Variants in HIPK2 observed in about 807,000 individuals in gnomAD.
HIPK2 encodes the protein homeodomain interacting protein kinase 2.
A neutral mutation model predicts 113.7 loss-of-function variants in HIPK2; 27 were observed. The ratio of observed to expected loss-of-function variants is 0.24; its 90% CI spans 0.17 to 0.33. HIPK2 has a LOEUF of 0.33. Among genes scored for constraint, HIPK2 ranks in the 10% least tolerant of loss-of-function variants. The probability of loss-of-function intolerance (pLI) is 1.00; values close to 1 mark genes in which losing one functional copy is unlikely to be tolerated. For synonymous variants in HIPK2, 631 were observed against 642.2 expected, an observed-to-expected ratio of 0.98 and a Z score of 0.26; for missense variants, 1,257 against 1,588.0, an observed-to-expected ratio of 0.79 and a Z score of 3.54.
chr7:139,725,012 A>G (rs1366616340), intron 1 of HIPK2, among the ~76,000 whole-genome samples: 1 of 152,196 alleles, frequency 6.6e-6, no homozygotes, highest in African/African-American at 2.4e-5. Flanking sequence ...GGCATTTGAA[A>G]AAAACAAAAA....
chr7:139,705,359 T>C (rs933332453), intron 2 of HIPK2, among the ~76,000 whole-genome samples: 11 of 151,756 alleles, frequency 7.2e-5, no homozygotes, highest in Admixed American at 2.0e-4. Context: ...GGAAAACTAC[T>C]ACCAACTGCT....
rs1237299419 is a variant in HIPK2, at chr7:139,705,824, AG to A, written c.1103+10107del. Among the ~76,000 whole-genome samples the A allele has an allele frequency of 3.5e-3, 520 of 150,632 alleles. 6 individuals are homozygous for A. The highest frequency in any genetic ancestry group is 0.012 in the African/African-American group (506 of 40,904). ...AAATAATAACAAGGATGAAAAGATT[AG>A]TAAAAAAAAAAAAAAAAAAGAGCAG... is the stretch of plus-strand genomic sequence containing the variant. On this transcript the variant is annotated intron_variant, in intron 2 of 14. Transcript: ENST00000406875.
rs554820327 is a variant in HIPK2 at position 139,716,783 on chromosome 7, G to A, written c.252C>T (p.Ile84=). The change falls in exon 2 of 15, where the codon ATC becomes ATT. Residue 84 remains isoleucine, a synonymous_variant. Coordinates refer to ENST00000406875, the MANE Select transcript of HIPK2 (RefSeq NM_022740.5). The surrounding 1 kb of genome is among the most constrained non-coding windows in gnomAD (Gnocchi z 9.3). ...TGTGCCCGGTGCTTCCTGGGAAGAC[G>A]ATGGTCTGCTCGTAAGGTAGGCTTG... ...PNPSLPYEQT[I]VFPGSTGHIV... 1.9e-5 allele frequency: 31 copies of A among 1,613,940 alleles called. No homozygotes were observed. Among genetic ancestry groups the A allele is most frequent in the South Asian group, 6.6e-5 (6 of 91,072 alleles).
At chr7:139,703,440 G>C (rs1483508161) in intron 2 of HIPK2, among the ~76,000 whole-genome samples, 3 of 152,042 alleles carry the variant, frequency 2.0e-5, no homozygotes, top group Admixed American at 1.3e-4. Flanking sequence ...AAAAAGAGGA[G>C]GACGAGAAAT....
intron 2 of HIPK2, among the ~76,000 whole-genome samples, chr7:139,659,094 CA>C (rs1399032132): frequency 1.3e-5 from 2 of 152,184 alleles, no homozygotes; most frequent in African/African-American, 2.4e-5. Flanking sequence ...TGACCAAAAA[CA>C]ATAGGGCCCT....
At chr7:139,738,616 CA>C (rs1463856705) in intron 1 of HIPK2, among the ~76,000 whole-genome samples, 1 of 152,052 alleles carries the variant, frequency 6.6e-6, no homozygotes, top group East Asian at 1.9e-4. Context: ...ACACAACAAC[CA>C]AAAGAGCAAC....
At chr7:139,718,367 G>GAT (rs1795309649) in intron 1 of HIPK2, among the ~76,000 whole-genome samples, 1 of 152,144 alleles carries the variant, frequency 6.6e-6, no homozygotes, top group Non-Finnish European at 1.5e-5. Flanking sequence ...TACCTAGAGT[G>GAT]GTAATCCTTT....
At chr7:139,634,348 T>G (rs1800732031) in intron 2 of HIPK2, among the ~76,000 whole-genome samples, 1 of 151,986 alleles carries the variant, frequency 6.6e-6, no homozygotes, top group Non-Finnish European at 1.5e-5. Flanking sequence ...CCCTTTGGCC[T>G]TTGTCTCCTT....
At position 139,571,825 on chromosome 7, in the gene HIPK2, C is replaced by G. The variant is rs1292560702; in HGVS notation, c.*1102G>C. 2.0e-5 allele frequency: 3 copies of G among 152,258 alleles called. No homozygotes were observed. Among genetic ancestry groups the G allele is most frequent in the African/African-American group, 7.2e-5 (3 of 41,468 alleles). 9.4% of individuals were successfully genotyped at this position (152,258 alleles called of 1,614,324 possible). On this transcript the variant is annotated 3_prime_UTR_variant, in exon 15 of 15. Coordinates refer to ENST00000406875, the MANE Select transcript of HIPK2 (RefSeq NM_022740.5). Reference sequence around the variant, plus strand: ...AGGAGGGAAGGATGCAGTGTCAAGACTGCGCCAGCTAGGGTGGCGGCGCCG... The same window carrying G: ...AGGAGGGAAGGATGCAGTGTCAAGAGTGCGCCAGCTAGGGTGGCGGCGCCG...
intron 2 of HIPK2, among the ~76,000 whole-genome samples, chr7:139,656,903 C>T (rs1014934565): frequency 6.6e-6 from 1 of 151,634 alleles, no homozygotes; most frequent in Non-Finnish European, 1.5e-5. Flanking sequence ...TGGAGTCTTG[C>T]TCTGTCACCC....
chr7:139,759,894 C>G (rs887150969), intron 1 of HIPK2, among the ~76,000 whole-genome samples: 1 of 152,110 alleles, frequency 6.6e-6, no homozygotes, highest in Non-Finnish European at 1.5e-5. Context: ...ATTGTGTATA[C>G]TTCTCTATAT....
chr7:139,680,187 C>T (rs9768870), intron 2 of HIPK2, among the ~76,000 whole-genome samples: 11,891 of 152,232 alleles, frequency 0.078, 610 homozygotes, highest in African/African-American at 0.14. Context: ...CACAGGTACC[C>T]GGGAATGTTC....
intron 2 of HIPK2, among the ~76,000 whole-genome samples, chr7:139,657,207 G>A (rs1372374369): frequency 2.0e-5 from 3 of 152,060 alleles, no homozygotes; most frequent in Non-Finnish European, 4.4e-5. Context: ...GCAGTCCCCC[G>A]ACAGCTCACC....
At chr7:139,697,863 A>ATTTTT (rs1206821973) in intron 2 of HIPK2, among the ~76,000 whole-genome samples, 11 of 135,272 alleles carry the variant, frequency 8.1e-5, no homozygotes, top group African/African-American at 2.5e-4. Flanking sequence ...TCTTAATGGA[A>ATTTTT]TTTTTTTTTT....
In HIPK2 at chr7:139,596,885, G is replaced by A. The variant is rs1471983665; in HGVS notation, c.2549C>T (p.Ala850Val). 1 of 1,613,822 alleles carries A rather than the reference G, an allele frequency of 6.2e-7. No individual in the cohort carries two copies. The highest frequency in any genetic ancestry group is 8.5e-7 in the Non-Finnish European group (1 of 1,179,884). Residue 850 changes from alanine to valine, a missense_variant, in exon 12 of 15, where the codon GCC becomes GTC. By Grantham distance (64) the Ala-to-Val change is moderately conservative. Coordinates refer to ENST00000406875, the MANE Select transcript of HIPK2 (RefSeq NM_022740.5). ...CCCACAGGTGACCGAGGTGCTGCAG[G>A]CCGGGCTACTGTGCACCATGGCACA... The part of the protein sequence containing the change: ...PRCAMVHSSP[A>V]CSTSVTCGWG...
At chr7:139,650,181 C>T (rs1801405283) in intron 2 of HIPK2, among the ~76,000 whole-genome samples, 1 of 151,938 alleles carries the variant, frequency 6.6e-6, no homozygotes, top group Non-Finnish European at 1.5e-5. Flanking sequence ...GAAACTCCAT[C>T]TCTACTAAAA....
At chr7:139,651,991 C>A (rs940372108) in intron 2 of HIPK2, among the ~76,000 whole-genome samples, 1 of 152,152 alleles carries the variant, frequency 6.6e-6, no homozygotes, top group African/African-American at 2.4e-5. Flanking sequence ...AAGGCTCTGG[C>A]GCCATAACTC....
chr7:139,633,991 T>A (rs1011002880), intron 2 of HIPK2, among the ~76,000 whole-genome samples: 2 of 149,168 alleles, frequency 1.3e-5, no homozygotes, highest in African/African-American at 5.0e-5. Flanking sequence ...GCACCTGTGG[T>A]CCCAGCTACT....
chr7:139,713,515 G>A (rs1795131386), intron 2 of HIPK2, among the ~76,000 whole-genome samples: 1 of 152,218 alleles, frequency 6.6e-6, no homozygotes, highest in Non-Finnish European at 1.5e-5. Context: ...GGGGTCTTAA[G>A]AATCCCCAAT....
Sources: allele counts gnomAD v4.1 joint callset (sites outside exome capture counted in the v4.1 genomes callset), GRCh38; gene constraint gnomAD v4.1.1; non-coding constraint Gnocchi (gnomAD v3.1); transcripts MANE v1.5; gene names NCBI Gene and HGNC (gene_info 2026-07-23, HGNC 2026-07-21).